The following SMG6 variants were observed in gnomAD, a reference collection of about 807,000 sequenced individuals.
SMG6 encodes SMG6 nonsense mediated mRNA decay factor.
SMG6 carries 66 observed loss-of-function variants against 142.2 expected under a neutral mutation model. That is an observed-to-expected ratio of 0.46 (90% CI 0.38 to 0.57). SMG6 has a LOEUF of 0.57. Among genes scored for constraint, SMG6 ranks in the 20% least tolerant of loss-of-function variants. The pLI, the probability that SMG6 is intolerant of heterozygous loss-of-function variation, is 0.00. For synonymous variants in SMG6, 779 were observed against 702.4 expected (o/e 1.11, Z -1.72); for missense variants, 1,793 against 1,832.0 (o/e 0.98, Z 0.39).
intron 8 of SMG6, among the ~76,000 whole-genome samples, chr17:2,277,949 A>G (rs911834122): frequency 6.6e-6 from 1 of 152,120 alleles, no homozygotes; most frequent in African/African-American, 2.4e-5. Context: ...TCAGAAGACT[A>G]AGGCAGGAGG....
chr17:2,135,419 CTT>C (rs1194367073), intron 13 of SMG6, among the ~76,000 whole-genome samples: 2 of 152,152 alleles, frequency 1.3e-5, no homozygotes, highest in Non-Finnish European at 2.9e-5. Context: ...ACCTACTCCT[CTT>C]GTCTAATAAA....
Position 2,087,622 on chromosome 17 carries a change from G to A in SMG6, c.3358-1721C>T, listed in dbSNP as rs1397312726. 1.4e-5 allele frequency: 14 copies of A among 996,636 alleles called. No individual in the cohort carries two copies. In the East Asian group the frequency reaches 3.2e-4, roughly 22 times the overall value. 61.7% of individuals were successfully genotyped at this position (996,636 alleles called of 1,614,324 possible). On this transcript the variant is annotated intron_variant, in intron 13 of 18. Transcript: ENST00000263073. ...GGTGCCTGGTCCTGGGCTTGCCTCC[G>A]TGAAGGAGAAGGGAAGCTTGTCTTG... is the stretch of plus-strand genomic sequence containing the variant.
intron 13 of SMG6, among the ~76,000 whole-genome samples, chr17:2,121,254 A>ACTGT (rs60190871): frequency 0.35 from 53,620 of 151,948 alleles, 10,089 homozygotes; most frequent in African/African-American, 0.49. Context: ...AAACAGATTC[A>ACTGT]CTGTCAACCA....
At chr17:2,123,739 C>A (rs1727138617) in intron 13 of SMG6, among the ~76,000 whole-genome samples, 1 of 152,184 alleles carries the variant, frequency 6.6e-6, no homozygotes, top group South Asian at 2.1e-4. Context: ...CCGGCAGAGC[C>A]AGGGTGTGGA....
chr17:2,225,031 A>C (rs1367495047), intron 10 of SMG6, among the ~76,000 whole-genome samples: 1 of 152,258 alleles, frequency 6.6e-6, no homozygotes, highest in African/African-American at 2.4e-5. Context: ...GGTAAAATAA[A>C]GCATTTTCAG....
At position 2,085,124 on chromosome 17, in the gene SMG6, G is replaced by A. The variant is rs2068521234; in HGVS notation, c.3534+601C>T. 6.6e-6 allele frequency among the ~76,000 whole-genome samples: 1 copy of A among 152,056 alleles called. No individual in the cohort carries two copies. The highest frequency in any genetic ancestry group is 1.5e-5 in the Non-Finnish European group (1 of 67,992). On this transcript the variant is annotated intron_variant, in intron 14 of 18. Coordinates refer to ENST00000263073, the MANE Select transcript of SMG6 (RefSeq NM_017575.5). This position sits in a 1 kb window ranked among gnomAD's most constrained non-coding sequence, Gnocchi z 4.1. ...CACAGGCTCATGCATGTGCATGCGC[G>A]TGCGCACACACACACACAGACGCGC...
At chr17:2,120,046 G>T (rs943178048) in intron 13 of SMG6, among the ~76,000 whole-genome samples, 4 of 152,270 alleles carry the variant, frequency 2.6e-5, no homozygotes, top group African/African-American at 4.8e-5. Context: ...GGCCTCAAGC[G>T]ATCCACCCAC....
intron 15 of SMG6, among the ~76,000 whole-genome samples, chr17:2,070,671 C>G (rs1190798219): frequency 1.3e-5 from 2 of 152,208 alleles, no homozygotes; most frequent in Admixed American, 6.5e-5. Flanking sequence ...GCCACTGCCA[C>G]CACAGCTGGT....
chr17:2,276,945 C>T (rs1263564401), intron 8 of SMG6, among the ~76,000 whole-genome samples: 1 of 151,652 alleles, frequency 6.6e-6, no homozygotes, highest in Non-Finnish European at 1.5e-5. Context: ...CCACGCCTGG[C>T]TAATTTTGTA....
chr17:2,278,474 G>A (rs1415543726), intron 8 of SMG6, among the ~76,000 whole-genome samples: 1 of 152,094 alleles, frequency 6.6e-6, no homozygotes, highest in Non-Finnish European at 1.5e-5. Flanking sequence ...CAAAGTGCTG[G>A]CATTACAAGC....
chr17:2,100,290 G>C (rs562045680), intron 13 of SMG6, among the ~76,000 whole-genome samples: 4 of 152,024 alleles, frequency 2.6e-5, no homozygotes, highest in Admixed American at 2.6e-4. Context: ...CGCCCGCCTC[G>C]GCCTTCCAAA....
intron 12 of SMG6, among the ~76,000 whole-genome samples, chr17:2,177,770 A>C (rs1277337405): frequency 6.6e-6 from 1 of 152,264 alleles, no homozygotes; most frequent in Non-Finnish European, 1.5e-5. Flanking sequence ...CTGGAAATAC[A>C]GCCAAGATGG....
chr17:2,278,533 T>C (rs1270055929), intron 8 of SMG6, among the ~76,000 whole-genome samples: 1 of 152,162 alleles, frequency 6.6e-6, no homozygotes, highest in Non-Finnish European at 1.5e-5. Context: ...CTGTTTAATG[T>C]TGAGACAATG....
In SMG6 at chr17:2,087,071, T is replaced by TA. The variant is rs373049304; in HGVS notation, c.3358-1171dup. The stretch of plus-strand genomic sequence containing the variant: ...CTATCTGCAGCACATAGGGAAGTAC[T>TA]AACCTGGAGACTACTGATGATCATT... On this transcript the variant is annotated intron_variant, in intron 13 of 18. Coordinates refer to ENST00000263073, the MANE Select transcript of SMG6 (RefSeq NM_017575.5). 1.5e-5 allele frequency: 20 copies of TA among 1,290,496 alleles called. No homozygotes were observed. In the African/African-American group the frequency reaches 2.9e-4, roughly 19 times the overall value. 79.9% of individuals were successfully genotyped at this position (1,290,496 alleles called of 1,614,324 possible).
At position 2,301,946 on chromosome 17, in the gene SMG6, G is replaced by A. The variant is rs1469875675; in HGVS notation, c.89-1282C>T. 2.0e-5 allele frequency among the ~76,000 whole-genome samples: 3 copies of A among 151,932 alleles called. No individual in the cohort carries two copies. In the East Asian group the frequency reaches 5.9e-4, roughly 30 times the overall value. ...GAGAATATTATCAAGTACACAAATG[G>A]AATGCTATATAAAATCCTAGCATAG... On this transcript the variant is annotated intron_variant, in intron 1 of 18. Transcript: ENST00000263073.
At chr17:2,084,432 A>G (rs1029739685) in intron 14 of SMG6, among the ~76,000 whole-genome samples, 5 of 151,896 alleles carry the variant, frequency 3.3e-5, no homozygotes, top group African/African-American at 1.2e-4. Context: ...CCCTGGAACC[A>G]CCTCTGTCCT....
rs111327060 is a variant in SMG6 at position 2,250,003 on chromosome 17, A to G, written c.2662-5284T>C. Among the ~76,000 whole-genome samples the G allele has an allele frequency of 2.6e-3, 393 of 152,380 alleles. 2 individuals are homozygous for G. The highest frequency in any genetic ancestry group is 8.9e-3 in the African/African-American group (369 of 41,598). ...GTAAAATGGAATTTCTACCACTGAC[A>G]TTACCTAATTCAGAACTAAAAGGAT... On this transcript the variant is annotated intron_variant, in intron 8 of 18. Transcript: ENST00000263073.
At chr17:2,069,056 AC>A in intron 15 of SMG6, 125 bp from the exon 16 acceptor site, 1 of 919,354 alleles carries the variant, frequency 1.1e-6, no homozygotes. Flanking sequence ...CACAGTAATA[AC>A]CAGTCCCCGT....
At chr17:2,266,892 C>T (rs1251613427) in intron 8 of SMG6, among the ~76,000 whole-genome samples, 2 of 152,176 alleles carry the variant, frequency 1.3e-5, no homozygotes, top group Admixed American at 1.3e-4. Flanking sequence ...TCCTTGCAAC[C>T]CACCTCACAT....
Sources: allele counts gnomAD v4.1 joint callset (sites outside exome capture counted in the v4.1 genomes callset), GRCh38; gene constraint gnomAD v4.1.1; non-coding constraint Gnocchi (gnomAD v3.1); transcripts MANE v1.5; gene names NCBI Gene and HGNC (gene_info 2026-07-23, HGNC 2026-07-21).